ZNF354C: variants seen among roughly 807,000 people sequenced by gnomAD.
ZNF354C encodes KRAB-zinc finger protein synten.
In ZNF354C, 7 loss-of-function variants were observed where a neutral mutation model predicts 12.4. The ratio of observed to expected loss-of-function variants is 0.56; its 90% CI spans 0.32 to 1.06. The LOEUF (loss-of-function observed/expected upper bound fraction) is 1.06, where lower values mean the gene tolerates loss of function less well. Ranked by LOEUF, ZNF354C falls within the 50% of genes least tolerant of loss-of-function variation. The pLI is 0.04. For missense variants in ZNF354C, 609 were observed against 658.0 expected (o/e 0.93, Z 0.81); for synonymous variants, 202 against 224.5 (o/e 0.90, Z 0.90).
chr5:179,071,328 T>A (rs1202811226), intron 2 of ZNF354C, among the ~76,000 whole-genome samples: 2 of 151,934 alleles, frequency 1.3e-5, no homozygotes, highest in Non-Finnish European at 2.9e-5. Flanking sequence ...TAGTCGGTCA[T>A]TTTATCATTT....
At chr5:179,076,670 C>G (rs2113122583) in intron 3 of ZNF354C, 99 bp downstream of exon 3, 1 of 1,455,398 alleles carries the variant, frequency 6.9e-7, no homozygotes, top group East Asian at 2.3e-5. Context: ...TACTGAGCCC[C>G]TCAGAAAGGC....
In ZNF354C at chr5:179,069,693, G is replaced by A. The variant is rs944680700; in HGVS notation, c.28-6752G>A. On this transcript the variant is annotated intron_variant, in intron 2 of 4. Transcript: ENST00000315475. Reference sequence around the variant, plus strand: ...ATCCTGGCTAACATGGCGAAACCCCGTCTCTACTAAAAAATACAAAAAATT... The same window carrying A: ...ATCCTGGCTAACATGGCGAAACCCCATCTCTACTAAAAAATACAAAAAATT... Among the ~76,000 whole-genome samples the A allele has an allele frequency of 4.4e-4, 67 of 151,128 alleles. 1 individual carries two copies. The highest frequency in any genetic ancestry group is 1.5e-3 in the Admixed American group (22 of 15,154).
intron 2 of ZNF354C, among the ~76,000 whole-genome samples, chr5:179,075,533 C>G (rs1168811043): frequency 6.6e-6 from 1 of 152,086 alleles, no homozygotes; most frequent in Non-Finnish European, 1.5e-5. Context: ...AAACTGTAAG[C>G]CTAATGATAG....
chr5:179,067,824 C>T (rs995903439), intron 2 of ZNF354C, among the ~76,000 whole-genome samples: 9 of 151,562 alleles, frequency 5.9e-5, no homozygotes, highest in African/African-American at 9.7e-5. Flanking sequence ...CTCCAGCTGG[C>T]GACAGAGTGA....
At chr5:179,068,565 A>C (rs1299403476) in intron 2 of ZNF354C, among the ~76,000 whole-genome samples, 2 of 151,404 alleles carry the variant, frequency 1.3e-5, no homozygotes, top group East Asian at 3.9e-4. Flanking sequence ...TTAGTCTCTG[A>C]TTATGCTTAA....
rs1432893925 is a variant in ZNF354C at position 179,082,850 on chromosome 5, CT to C, written c.*2754del. 2.4e-6 allele frequency: 3 copies of C among 1,238,936 alleles called. No homozygotes were observed. The allele number at this position is 1,238,936 out of a possible 1,614,324, so 76.7% of individuals were successfully genotyped here. On this transcript the variant is annotated 3_prime_UTR_variant, in exon 5 of 5. Transcript: ENST00000315475. ...GAGGAGCTGCAACAGCCTTGGGGCC[CT>C]CACAGACTCGCCAAACATTCCAGGC...
intron 2 of ZNF354C, among the ~76,000 whole-genome samples, chr5:179,069,219 T>C (rs915554205): frequency 3.3e-5 from 5 of 151,568 alleles, no homozygotes; most frequent in Admixed American, 3.3e-4. Flanking sequence ...CCAGCATTAA[T>C]ATCTACACAA....
At chr5:179,076,623 T>C (rs753689263) in intron 3 of ZNF354C, 52 bp downstream of exon 3, 2 of 1,601,012 alleles carry the variant, frequency 1.2e-6, no homozygotes, top group Non-Finnish European at 1.7e-6. Flanking sequence ...GCCTCACAGG[T>C]CCATCTTTGG....
At chr5:179,061,509 T>G (rs1338573346) in intron 1 of ZNF354C, among the ~76,000 whole-genome samples, 1 of 152,114 alleles carries the variant, frequency 6.6e-6, no homozygotes, top group African/African-American at 2.4e-5. Context: ...GCTGAGTGGT[T>G]GGATTATGCT....
At chr5:179,066,288 G>A (rs1171737628) in intron 2 of ZNF354C, among the ~76,000 whole-genome samples, 1 of 152,206 alleles carries the variant, frequency 6.6e-6, no homozygotes, top group Admixed American at 6.5e-5. Flanking sequence ...TTATAACAGA[G>A]TATTCCCCTC....
chr5:179,079,042 A>G lies in ZNF354C; in HGVS notation c.610A>G (p.Met204Val). The G allele has an allele frequency of 6.2e-7, 1 of 1,610,088 alleles. No individual in the cohort carries two copies. The highest frequency in any genetic ancestry group is 8.5e-7 in the Non-Finnish European group (1 of 1,176,948). ...AGATTTTAAACAGAATTTTGATCTCATGAAATGCTTCCAGATTTACCCAGG... is the reference window on the plus strand; with the variant it reads ...AGATTTTAAACAGAATTTTGATCTCGTGAAATGCTTCCAGATTTACCCAGG... The part of the protein sequence containing the change: ...GKDFKQNFDL[M>V]KCFQIYPGGK... The change falls in exon 5 of 5, where the codon ATG (methionine) becomes GTG (valine). Residue 204 changes from methionine (M) to valine (V), a missense_variant. By Grantham distance (21) the Met-to-Val change is conservative (BLOSUM62 1). Transcript: ENST00000315475. This position sits in a 1 kb window ranked among gnomAD's most constrained non-coding sequence, Gnocchi z 4.2.
rs901428705 is a variant in ZNF354C at position 179,082,601 on chromosome 5, A to C, written c.*2504A>C. ...GATTTCGGGAGGGATGAAGAGGGAG[A>C]TATTCAGAAACCTTCACCAGATTCC... On this transcript the variant is annotated 3_prime_UTR_variant, in exon 5 of 5. Transcript: ENST00000315475. 32 of 1,104,210 alleles carry C rather than the reference A, an allele frequency of 2.9e-5. No homozygotes were observed. In the African/African-American group the frequency reaches 4.2e-4, roughly 14 times the overall value. 68.4% of individuals were successfully genotyped at this position (1,104,210 alleles called of 1,614,324 possible).
chr5:179,082,765 G>A lies in ZNF354C; in HGVS notation c.*2668G>A, dbSNP rs561222354. On this transcript the variant is annotated 3_prime_UTR_variant, in exon 5 of 5. Coordinates refer to ENST00000315475, the MANE Select transcript of ZNF354C (RefSeq NM_014594.3). ...CTTGGCTGACGAAGAGCCATTAGGC[G>A]AGGATCACTGGCATCATCCAGGGTG... 54 of 1,367,918 alleles carry A rather than the reference G, an allele frequency of 3.9e-5. No individual in the cohort carries two copies. In the South Asian group the frequency reaches 5.7e-4, roughly 14 times the overall value. 84.7% of individuals were successfully genotyped at this position (1,367,918 alleles called of 1,614,324 possible). A position where few individuals can be genotyped will look rare whatever the true frequency, so the allele number is the denominator to read the frequency against.
chr5:179,075,953 T>C (rs1192777360), intron 2 of ZNF354C, among the ~76,000 whole-genome samples: 1 of 152,238 alleles, frequency 6.6e-6, no homozygotes, highest in Admixed American at 6.5e-5. Context: ...TCTTTTACAG[T>C]TCTGGAAGTC....
At chr5:179,071,363 G>T (rs1010256595) in intron 2 of ZNF354C, among the ~76,000 whole-genome samples, 1 of 147,956 alleles carries the variant, frequency 6.8e-6, no homozygotes, top group Non-Finnish European at 1.5e-5. Flanking sequence ...ACTTTGCCAG[G>T]CTCATTTTTT....
intron 3 of ZNF354C, among the ~76,000 whole-genome samples, chr5:179,076,792 G>A (rs1245597338): frequency 6.6e-6 from 1 of 152,050 alleles, no homozygotes; most frequent in African/African-American, 2.4e-5. Context: ...TTCCCTCCTT[G>A]GAGTAGGCCA....
In ZNF354C at chr5:179,080,097, G is replaced by A; in HGVS notation, c.1665G>A (p.Ter555=). The A allele has an allele frequency of 1.9e-6, 3 of 1,543,200 alleles. No individual in the cohort carries two copies. The highest frequency in any genetic ancestry group is 2.6e-6 in the Non-Finnish European group (3 of 1,148,576). Residue 555 remains the stop codon, a stop_retained_variant, in exon 5 of 5, where the codon TAG becomes TAA. Transcript: ENST00000315475. ...AAGGAGATAAAGCCTATGAGGTTTA[G>A]TTCATCTCTCAAATAATCCAAGACT... ...FFKGDKAYEV[*]
chr5:179,080,241 G>A lies in ZNF354C; in HGVS notation c.*144G>A. ...CTAAGTCATGATAAAATTGATCAGTGAGACTATGAAGAGCACTGACTTGTT... is the reference window on the plus strand; with the variant it reads ...CTAAGTCATGATAAAATTGATCAGTAAGACTATGAAGAGCACTGACTTGTT... On this transcript the variant is annotated 3_prime_UTR_variant, in exon 5 of 5. Transcript: ENST00000315475. The A allele has an allele frequency of 3.5e-6, 2 of 573,440 alleles. No homozygotes were observed. Among genetic ancestry groups the A allele is most frequent in the South Asian group, 3.2e-5 (1 of 30,818 alleles). The allele number at this position is 573,440 out of a possible 1,614,324, so 35.5% of individuals were successfully genotyped here. A position where few individuals can be genotyped will look rare whatever the true frequency, so the allele number is the denominator to read the frequency against.
At chr5:179,074,393 G>A (rs1337494706) in intron 2 of ZNF354C, among the ~76,000 whole-genome samples, 4 of 152,104 alleles carry the variant, frequency 2.6e-5, no homozygotes, top group Middle Eastern at 3.4e-3. Context: ...CTCCCAAGGG[G>A]CTGGGATTAC....
Sources: gnomAD v4.1 joint callset for allele counts (sites outside exome capture counted in the v4.1 genomes callset) on GRCh38, gnomAD v4.1.1 for gene constraint, Gnocchi (gnomAD v3.1) non-coding constraint, MANE v1.5 for transcripts, NCBI Gene and HGNC (gene_info 2026-07-23, HGNC 2026-07-21) for gene names.